The following LRRC7 variants were observed in gnomAD, a reference collection of about 807,000 sequenced individuals.
The protein encoded by LRRC7 is leucine-rich repeat-containing protein 7.
Under a neutral mutation model 175.7 loss-of-function variants are expected in LRRC7, and 23 were observed. The ratio of observed to expected loss-of-function variants is 0.13; its 90% CI spans 0.09 to 0.19. The LOEUF is 0.19. LRRC7 is among the 10% of genes least tolerant of loss of function. The pLI is 1.00. For synonymous variants in LRRC7, 685 were observed against 680.9 expected, an observed-to-expected ratio of 1.01 and a Z score of -0.09; for missense variants, 1,354 against 1,904.7, an observed-to-expected ratio of 0.71 and a Z score of 5.38.
At chr1:69,640,539 A>G (rs903985169) in intron 1 of LRRC7, among the ~76,000 whole-genome samples, 1 of 151,366 alleles carries the variant, frequency 6.6e-6, no homozygotes, top group Non-Finnish European at 1.5e-5. Context: ...GAAATACACA[A>G]TCATTAAACA....
At position 69,568,269 on chromosome 1, in the gene LRRC7, C is replaced by T; in HGVS notation, c.-371C>T. 4.8e-6 allele frequency: 1 copy of T among 209,844 alleles called. No homozygotes were observed. The highest frequency in any genetic ancestry group is 9.1e-6 in the Non-Finnish European group (1 of 109,520). The allele number at this position is 209,844 out of a possible 1,614,324, so 13.0% of individuals were successfully genotyped here. A position where few individuals can be genotyped will look rare whatever the true frequency, so the allele number is the denominator to read the frequency against. Reference sequence around the variant, plus strand: ...CCTTCTGGGGGCGGGGAGGGAGCTGCGCCTCCGCCACCGCCGCCGCCGCCG... The same window carrying T: ...CCTTCTGGGGGCGGGGAGGGAGCTGTGCCTCCGCCACCGCCGCCGCCGCCG... On this transcript the variant is annotated 5_prime_UTR_variant, in exon 1 of 27. Transcript: ENST00000651989.
rs745328044 is a variant in LRRC7 at position 70,038,165 on chromosome 1, C to T, written c.2341C>T (p.Arg781Trp). 28 of 1,613,532 alleles carry T rather than the reference C, an allele frequency of 1.7e-5. 1 individual carries two copies. The highest frequency in any genetic ancestry group is 6.7e-5 in the Admixed American group (4 of 59,974). ...PLDSKPLLSQREAVPPGNIPQ... is the reference protein window; with the variant it reads ...PLDSKPLLSQWEAVPPGNIPQ... ...TGATTCAAAGCCATTACTCAGCCAG[C>T]GGGAGGCTGTTCCCCCAGGCAATAT... is the stretch of plus-strand genomic sequence containing the variant. The change falls in exon 21 of 27, where the codon CGG becomes TGG. Residue 781 changes from arginine (R) to tryptophan (W), a missense_variant. This residue lies in a region of LRRC7 where 1,032 missense variants were observed against 1,227.2 expected (regional missense o/e 0.84). Coordinates refer to ENST00000651989, the MANE Select transcript of LRRC7 (RefSeq NM_001370785.2).
chr1:69,717,869 A>AG (rs756372099), intron 2 of LRRC7, among the ~76,000 whole-genome samples: 1 of 133,432 alleles, frequency 7.5e-6, no homozygotes, highest in African/African-American at 2.9e-5. Context: ...AAAGAAAGAA[A>AG]GAAAGAAAGA....
chr1:69,776,558 A>G (rs905722777), intron 3 of LRRC7, among the ~76,000 whole-genome samples: 2 of 152,214 alleles, frequency 1.3e-5, no homozygotes, highest in Non-Finnish European at 2.9e-5. Flanking sequence ...TCTATAACGA[A>G]CCTGAAACAG....
rs190909844 is a variant in LRRC7, at chr1:69,860,185, A to G, written c.647+21902A>G. On this transcript the variant is annotated intron_variant, in intron 7 of 26. Coordinates refer to ENST00000651989, the MANE Select transcript of LRRC7 (RefSeq NM_001370785.2). ...ATTCTTTGTTGAATTCTATTTTCCT[A>G]AAGAGTCAGCTGGCATTGTATTTTT... Among the ~76,000 whole-genome samples the G allele has an allele frequency of 4.0e-4, 61 of 152,110 alleles. 1 individual carries two copies. In the East Asian group the frequency reaches 0.01, roughly 26 times the overall value.
intron 1 of LRRC7, among the ~76,000 whole-genome samples, chr1:69,616,211 T>C (rs1649589489): frequency 6.6e-6 from 1 of 152,068 alleles, no homozygotes; most frequent in Admixed American, 6.6e-5. Flanking sequence ...AAATAAAATT[T>C]AATGTCAATT....
At chr1:69,725,007 A>G (rs1666786264) in intron 2 of LRRC7, among the ~76,000 whole-genome samples, 1 of 152,158 alleles carries the variant, frequency 6.6e-6, no homozygotes, top group Non-Finnish European at 1.5e-5. Flanking sequence ...AAAACCAAAT[A>G]TAACTTTTGA....
chr1:70,069,640 T>C lies in LRRC7; in HGVS notation c.4231-6437T>C, dbSNP rs1476194495. Among the ~76,000 whole-genome samples the C allele has an allele frequency of 2.0e-5, 3 of 152,204 alleles. No individual in the cohort carries two copies. The East Asian group carries it at 5.8e-4, about 29-fold the overall frequency. On this transcript the variant is annotated intron_variant, in intron 23 of 26. Coordinates refer to ENST00000651989, the MANE Select transcript of LRRC7 (RefSeq NM_001370785.2). Reference sequence around the variant, plus strand: ...CTTGCTTCTTGAATCTGTAAGTTTATTTCTCCTCACCAAATTTCAGAATTT... The same window carrying C: ...CTTGCTTCTTGAATCTGTAAGTTTACTTCTCCTCACCAAATTTCAGAATTT...
chr1:70,075,831 G>T (rs1390177201), intron 23 of LRRC7, among the ~76,000 whole-genome samples: 1 of 152,104 alleles, frequency 6.6e-6, no homozygotes, highest in African/African-American at 2.4e-5. Flanking sequence ...TTAAAGTGAG[G>T]TTAAAATTAT....
intron 1 of LRRC7, chr1:69,608,199 C>T (rs1647954308): frequency 6.6e-6 from 1 of 152,178 alleles, no homozygotes; most frequent in African/African-American, 2.4e-5. Flanking sequence ...AGCATATCTA[C>T]AAAAAATTTG....
At chr1:69,698,043 GAAAA>G (rs1443030094) in intron 2 of LRRC7, among the ~76,000 whole-genome samples, 1 of 152,106 alleles carries the variant, frequency 6.6e-6, no homozygotes, top group Non-Finnish European at 1.5e-5. Context: ...TTGTGAGAAA[GAAAA>G]AATGGGGCAA....
In LRRC7 at chr1:70,023,184, C is replaced by T; in HGVS notation, c.1604C>T (p.Ala535Val). 1 of 1,568,210 alleles carries T rather than the reference C, an allele frequency of 6.4e-7. No individual in the cohort carries two copies. Among genetic ancestry groups the T allele is most frequent in the Non-Finnish European group, 8.7e-7 (1 of 1,151,032 alleles). The change falls in exon 17 of 27, where the codon GCC becomes GTC. Residue 535 changes from alanine to valine, a missense_variant. Around this residue, in one of 4 missense-constraint regions of LRRC7, gnomAD observed 1,032 missense variants for 1,227.2 expected, o/e 0.84. Coordinates refer to ENST00000651989, the MANE Select transcript of LRRC7 (RefSeq NM_001370785.2). ...RGQRGITLQP[A>V]RLSGDCCTPW... ...CAGCGTGGGATTACTCTCCAACCTG[C>T]CAGACTGTCTGGCGATTGCTGCACA...
At chr1:69,654,129 C>G (rs1341702833) in intron 1 of LRRC7, among the ~76,000 whole-genome samples, 1 of 148,238 alleles carries the variant, frequency 6.7e-6, no homozygotes, top group Non-Finnish European at 1.5e-5. Context: ...TTTTTTTTTA[C>G]CACAACAAGC....
At chr1:69,776,544 T>C (rs10889851) in intron 3 of LRRC7, among the ~76,000 whole-genome samples, 5,832 of 152,290 alleles carry the variant, frequency 0.038, 362 homozygotes, top group African/African-American at 0.13. Context: ...GGCAATTTGT[T>C]GTTTCTATAA....
At chr1:69,579,911 G>C (rs1646125284) in intron 1 of LRRC7, among the ~76,000 whole-genome samples, 1 of 150,796 alleles carries the variant, frequency 6.6e-6, no homozygotes, top group Admixed American at 6.6e-5. Context: ...TGGGCTTACA[G>C]GTGTGAGCCA....
At chr1:69,827,758 T>C (rs1446875064) in intron 5 of LRRC7, among the ~76,000 whole-genome samples, 1 of 151,988 alleles carries the variant, frequency 6.6e-6, no homozygotes, top group East Asian at 1.9e-4. Context: ...AGAATCACTT[T>C]AGCCTGGGAG....
chr1:70,038,568 A>G lies in LRRC7; in HGVS notation c.2744A>G (p.His915Arg), dbSNP rs747323408. 5 of 1,614,154 alleles carry G rather than the reference A, an allele frequency of 3.1e-6. No individual in the cohort carries two copies. The highest frequency in any genetic ancestry group is 4.2e-6 in the Non-Finnish European group (5 of 1,180,002). Residue 915 changes from histidine (H) to arginine (R), a missense_variant, in exon 21 of 27, where the codon CAT becomes CGT. By Grantham distance (29) the His-to-Arg change is conservative. Transcript: ENST00000651989. Reference protein sequence around the residue: ...TTSPLPERKEHIKESTEIPSP... With the variant: ...TTSPLPERKERIKESTEIPSP... ...AGCCCATTGCCTGAAAGGAAAGAAC[A>G]TATAAAGGAATCTACTGAAATACCT...
chr1:69,821,393 C>T (rs1172705828), intron 4 of LRRC7, among the ~76,000 whole-genome samples: 2 of 151,974 alleles, frequency 1.3e-5, no homozygotes, highest in African/African-American at 4.8e-5. Flanking sequence ...TTTTCCATTT[C>T]ATTTATTGTA....
chr1:69,579,133 A>G (rs72936509), intron 1 of LRRC7, among the ~76,000 whole-genome samples: 3,932 of 152,150 alleles, frequency 0.026, 144 homozygotes, highest in African/African-American at 0.089. Context: ...TTGTAATTTA[A>G]TGAATCAACA....
Sources: allele counts gnomAD v4.1 joint callset (sites outside exome capture counted in the v4.1 genomes callset), GRCh38; gene constraint gnomAD v4.1.1; regional missense constraint gnomAD v4.1.1; transcripts MANE v1.5; gene names NCBI Gene and HGNC (gene_info 2026-07-23, HGNC 2026-07-21).